Variants in MYCBP2 observed in about 807,000 individuals in gnomAD.
The protein encoded by MYCBP2 is E3 ubiquitin-protein ligase MYCBP2.
In MYCBP2, 120 loss-of-function variants were observed where a neutral mutation model predicts 525.3. The observed-to-expected ratio is 0.23, with a 90% CI of 0.20 to 0.27. The LOEUF (loss-of-function observed/expected upper bound fraction) is 0.27, where lower values mean the gene tolerates loss of function less well. MYCBP2 is among the 10% of genes least tolerant of loss of function. The pLI, the probability that MYCBP2 is intolerant of heterozygous loss-of-function variation, is 1.00. For missense variants in MYCBP2, 4,149 were observed against 5,657.1 expected (o/e 0.73, Z 8.55); for synonymous variants, 1,894 against 1,955.8 (o/e 0.97, Z 0.83).
chr13:77,096,391 C>A lies in MYCBP2; in HGVS notation c.9875G>T (p.Gly3292Val). 1 of 1,613,492 alleles carries A rather than the reference C, an allele frequency of 6.2e-7. No individual in the cohort carries two copies. Among genetic ancestry groups the A allele is most frequent in the Non-Finnish European group, 8.5e-7 (1 of 1,179,620 alleles). Reference sequence around the variant, plus strand: ...ACATACCAGATACCAAGTGCTTCCTCCTATGCCACCATCACCACAGTTACC... The same window carrying A: ...ACATACCAGATACCAAGTGCTTCCTACTATGCCACCATCACCACAGTTACC... Reference protein sequence around the residue: ...WAGNCGDGGIGGSTWYLVCDR... With the variant: ...WAGNCGDGGIVGSTWYLVCDR... Residue 3292 changes from glycine to valine, a missense_variant, in exon 57 of 83, where the codon GGA becomes GTA. Coordinates refer to ENST00000544440, the MANE Select transcript of MYCBP2 (RefSeq NM_015057.5).
Position 77,090,125 on chromosome 13 carries a change from T to C in MYCBP2, c.10506A>G (p.Arg3502=). ...ACTTACCAGTGTCTCCACTGTTAAC[T>C]CTTCTTCTAGGAATAGCTTTAACTC... ...PARVKAIPRR[R]VNSGDTEVGS... The change falls in exon 60 of 83, where the codon AGA becomes AGG. Residue 3502 remains arginine, a synonymous_variant. Coordinates refer to ENST00000544440, the MANE Select transcript of MYCBP2 (RefSeq NM_015057.5). The C allele has an allele frequency of 6.2e-7, 1 of 1,611,694 alleles. No homozygotes were observed. Among genetic ancestry groups the C allele is most frequent in the African/African-American group, 1.3e-5 (1 of 74,950 alleles).
chr13:77,194,692 A>G (rs1440220140), intron 26 of MYCBP2, among the ~76,000 whole-genome samples: 1 of 152,182 alleles, frequency 6.6e-6, no homozygotes, highest in Non-Finnish European at 1.5e-5. Flanking sequence ...AGGTGGGTGG[A>G]TACTAACAGT....
Position 77,205,361 on chromosome 13 carries a change from A to G in MYCBP2, c.3738T>C (p.Tyr1246=), listed in dbSNP as rs988147405. 2 of 1,613,782 alleles carry G rather than the reference A, an allele frequency of 1.2e-6. No homozygotes were observed. The highest frequency in any genetic ancestry group is 1.7e-6 in the Non-Finnish European group (2 of 1,179,844). ...RFESHGGGWG[Y]SAHSVEAIRF... Reference sequence around the variant, plus strand: ...GTATAGCTTCTACTGAATGGGCAGAATAACCCCAGCCTCCTCCATGACCTA... The same window carrying G: ...GTATAGCTTCTACTGAATGGGCAGAGTAACCCCAGCCTCCTCCATGACCTA... Residue 1246 remains tyrosine (Y), a synonymous_variant, in exon 26 of 83, where the codon TAT becomes TAC. Coordinates refer to ENST00000544440, the MANE Select transcript of MYCBP2 (RefSeq NM_015057.5).
At chr13:77,228,691 TTGTGTGTGTGTGTGTGTGTGTGTGTG>T (rs34441629) in intron 18 of MYCBP2, among the ~76,000 whole-genome samples, 1 of 147,186 alleles carries the variant, frequency 6.8e-6, no homozygotes, top group Non-Finnish European at 1.5e-5. Flanking sequence ...GATGAATATG[TTGTGTGTGTGTGTGTGTGTGTGTGTG>T]TGTGTGTGTG....
intron 25 of MYCBP2, 32 bp from the exon 26 acceptor site, chr13:77,205,415 AAAG>A: frequency 6.2e-7 from 1 of 1,611,910 alleles, no homozygotes; most frequent in Non-Finnish European, 8.5e-7. Context: ...CTATGTTTTA[AAAG>A]ATCCATATAT....
At chr13:77,131,501 C>G (rs1321686119) in intron 52 of MYCBP2, among the ~76,000 whole-genome samples, 3 of 97,136 alleles carry the variant, frequency 3.1e-5, no homozygotes, top group Non-Finnish European at 4.7e-5. Flanking sequence ...CACACACACA[C>G]ACACACACAC....
chr13:77,123,655 A>T (rs1348417385), intron 54 of MYCBP2, among the ~76,000 whole-genome samples: 2 of 152,212 alleles, frequency 1.3e-5, no homozygotes, highest in Non-Finnish European at 2.9e-5. Flanking sequence ...ATGAGTAAAA[A>T]GTTGCACAGC....
intron 36 of MYCBP2, 39 bp from the exon 37 acceptor site, chr13:77,174,528 G>A (rs2059427988): frequency 6.6e-7 from 1 of 1,509,534 alleles, no homozygotes; most frequent in East Asian, 2.3e-5. Context: ...TATTCACAAT[G>A]TACAGAGGAT....
At chr13:77,125,709 C>A (rs2051532216) in intron 53 of MYCBP2, among the ~76,000 whole-genome samples, 1 of 152,148 alleles carries the variant, frequency 6.6e-6, no homozygotes, top group African/African-American at 2.4e-5. Flanking sequence ...ACAAAGATAA[C>A]ACCTAAATAA....
At chr13:77,194,047 T>G (rs2061528328) in intron 27 of MYCBP2, 106 bp downstream of exon 27, 3 of 621,586 alleles carry the variant, frequency 4.8e-6, no homozygotes, top group Admixed American at 3.0e-5. Flanking sequence ...TATTTGATAT[T>G]CATAGCAGAT....
intron 17 of MYCBP2, among the ~76,000 whole-genome samples, chr13:77,237,572 A>G (rs1193849747): frequency 1.3e-5 from 2 of 152,188 alleles, no homozygotes; most frequent in Admixed American, 6.5e-5. Flanking sequence ...AATAAAAACA[A>G]TAATTGAATT....
In MYCBP2 at chr13:77,243,145, C is replaced by T; in HGVS notation, c.2543G>A (p.Gly848Glu). 1.2e-6 allele frequency: 2 copies of T among 1,613,900 alleles called. No homozygotes were observed. Among genetic ancestry groups the T allele is most frequent in the Non-Finnish European group, 1.7e-6 (2 of 1,179,970 alleles). ...LDLLLAVPVP[G>E]VNIEEHLQLR... ...CTGAAGGTGTTCTTCAATGTTAACC[C>T]CGGGCACTGGGACAGCTAGATGATT... Residue 848 changes from glycine (G) to glutamate (E), a missense_variant, in exon 17 of 83, where the codon GGG becomes GAG. By Grantham distance (98) the Gly-to-Glu change is moderately conservative. Transcript: ENST00000544440.
chr13:77,156,238 A>C, intron 45 of MYCBP2, 36 bp from the exon 46 acceptor site: 1 of 1,576,910 alleles, frequency 6.3e-7, no homozygotes. Flanking sequence ...CAAAACCCCA[A>C]ACACTGATCA....
chr13:77,122,549 C>T (rs905870823), intron 54 of MYCBP2, among the ~76,000 whole-genome samples: 1 of 151,784 alleles, frequency 6.6e-6, no homozygotes, highest in Non-Finnish European at 1.5e-5. Context: ...ATTAGCCGGG[C>T]GTGGTGGCCG....
intron 17 of MYCBP2, among the ~76,000 whole-genome samples, chr13:77,239,351 G>A (rs139391125): frequency 2.2e-4 from 33 of 152,218 alleles, no homozygotes; most frequent in Non-Finnish European, 4.6e-4. Context: ...TAAAAGATCT[G>A]TATGTATGGC....
chr13:77,309,599 C>G (rs1414118424), intron 1 of MYCBP2, among the ~76,000 whole-genome samples: 1 of 152,128 alleles, frequency 6.6e-6, no homozygotes, highest in Non-Finnish European at 1.5e-5. Flanking sequence ...ATTATATTTG[C>G]ACTTGAGATC....
intron 58 of MYCBP2, among the ~76,000 whole-genome samples, chr13:77,094,730 C>T (rs927805060): frequency 1.3e-5 from 2 of 151,394 alleles, no homozygotes; most frequent in South Asian, 2.2e-4. Context: ...TGAGACTCTA[C>T]TAAAGGCTCA....
intron 23 of MYCBP2, among the ~76,000 whole-genome samples, chr13:77,210,086 A>G (rs1035532424): frequency 2.0e-5 from 3 of 152,204 alleles, no homozygotes; most frequent in African/African-American, 7.2e-5. Context: ...CAGCCCTGTG[A>G]TGAGCCACTG....
chr13:77,280,268 C>T (rs2154352193), intron 3 of MYCBP2, among the ~76,000 whole-genome samples: 1 of 152,228 alleles, frequency 6.6e-6, no homozygotes, highest in East Asian at 1.9e-4. Flanking sequence ...TTGATTATAG[C>T]TAATATTACA....
Sources: gnomAD v4.1 joint callset for allele counts (sites outside exome capture counted in the v4.1 genomes callset) on GRCh38, gnomAD v4.1.1 for gene constraint, MANE v1.5 for transcripts, NCBI Gene and HGNC (gene_info 2026-07-23, HGNC 2026-07-21) for gene names.